PDS5A: variants seen among roughly 807,000 people sequenced by gnomAD.
PDS5A encodes sister chromatid cohesion protein PDS5 homolog A.
A neutral mutation model predicts 167.1 loss-of-function variants in PDS5A; 42 were observed. The ratio of observed to expected loss-of-function variants is 0.25; its 90% CI spans 0.20 to 0.33. The LOEUF is 0.33. Among genes scored for constraint, PDS5A ranks in the 10% least tolerant of loss-of-function variants. PDS5A has a pLI of 1.00. For missense variants in PDS5A, 1,033 were observed against 1,605.9 expected (o/e 0.64, Z 6.10); for synonymous variants, 553 against 554.6 (o/e 1.00, Z 0.04).
At chr4:39,930,246 A>AAAATTTT in intron 2 of PDS5A, among the ~76,000 whole-genome samples, 3 of 93,080 alleles carry the variant, frequency 3.2e-5, no homozygotes, top group Non-Finnish European at 4.5e-5. Flanking sequence ...AAAAAAAAAA[A>AAAATTTT]GTTTTTTTGT....
chr4:39,870,315 A>T (rs1333229161), intron 21 of PDS5A, among the ~76,000 whole-genome samples: 1 of 152,204 alleles, frequency 6.6e-6, no homozygotes, highest in Non-Finnish European at 1.5e-5. Context: ...TAGCTGACAA[A>T]GGTTTAATAT....
chr4:39,839,790 A>G (rs1254104289), intron 31 of PDS5A, among the ~76,000 whole-genome samples: 1 of 151,224 alleles, frequency 6.6e-6, no homozygotes, highest in Non-Finnish European at 1.5e-5. Context: ...AATATCTTCA[A>G]GCCATTCTTA....
intron 2 of PDS5A, among the ~76,000 whole-genome samples, chr4:39,972,162 G>A (rs904685904): frequency 6.6e-6 from 1 of 152,064 alleles, no homozygotes; most frequent in Admixed American, 6.6e-5. Flanking sequence ...TCTGATAATC[G>A]ATTTTCAAAC....
At chr4:39,971,445 C>A (rs982947063) in intron 2 of PDS5A, among the ~76,000 whole-genome samples, 3 of 151,520 alleles carry the variant, frequency 2.0e-5, no homozygotes, top group Non-Finnish European at 4.4e-5. Context: ...CGTGAGCCAC[C>A]GCACCGGGCC....
chr4:39,900,645 T>A (rs959610454), intron 13 of PDS5A, 138 bp from the exon 14 acceptor site: 1 of 613,302 alleles, frequency 1.6e-6, no homozygotes, highest in Non-Finnish European at 2.9e-6. Context: ...GGGAAATATA[T>A]TTATTAGGAT....
intron 2 of PDS5A, among the ~76,000 whole-genome samples, chr4:39,955,458 C>G (rs1389704989): frequency 2.0e-5 from 3 of 151,782 alleles, no homozygotes; most frequent in African/African-American, 7.2e-5. Flanking sequence ...AAAAAATTAC[C>G]CAGGTGTCGT....
At chr4:39,946,310 A>C (rs1005412411) in intron 2 of PDS5A, among the ~76,000 whole-genome samples, 3 of 151,994 alleles carry the variant, frequency 2.0e-5, no homozygotes, top group Admixed American at 1.3e-4. Flanking sequence ...TTATGGCAGG[A>C]GCAGTGAGAG....
intron 2 of PDS5A, among the ~76,000 whole-genome samples, chr4:39,968,582 G>A (rs1578848616): frequency 1.3e-5 from 2 of 151,408 alleles, no homozygotes; most frequent in East Asian, 1.9e-4. Context: ...ACAGGCATGC[G>A]CCACCACACC....
chr4:39,924,708 T>G (rs1031351503), intron 5 of PDS5A, among the ~76,000 whole-genome samples: 2 of 152,272 alleles, frequency 1.3e-5, no homozygotes, highest in Non-Finnish European at 2.9e-5. Context: ...GAATTTCACT[T>G]GTTTTTACTT....
rs138002022 is a variant in PDS5A at position 39,868,946 on chromosome 4, T to C, written c.2505+448A>G. ...CCTATCTTTGCCAAGTTAATATTCA[T>C]ATGCTTGTAGATAGTGGTGATGAGG... On this transcript the variant is annotated intron_variant, in intron 22 of 32. Coordinates refer to ENST00000303538, the MANE Select transcript of PDS5A (RefSeq NM_001100399.2). Among the ~76,000 whole-genome samples, 679 of 152,292 alleles carry C rather than the reference T, an allele frequency of 4.5e-3. 6 individuals carry two copies. The highest frequency in any genetic ancestry group is 0.016 in the African/African-American group (658 of 41,560).
intron 2 of PDS5A, among the ~76,000 whole-genome samples, chr4:39,964,440 A>G (rs940725654): frequency 6.6e-6 from 1 of 152,232 alleles, no homozygotes; most frequent in African/African-American, 2.4e-5. Context: ...TCAGAGGCTT[A>G]TGCCTATAAT....
chr4:39,928,702 G>C (rs1479975942), intron 2 of PDS5A, among the ~76,000 whole-genome samples: 1 of 151,930 alleles, frequency 6.6e-6, no homozygotes. Context: ...GCATGTGTCT[G>C]TAGTCCCAGC....
intron 9 of PDS5A, 59 bp downstream of exon 9, chr4:39,913,552 G>C (rs1357996955): frequency 1.1e-6 from 1 of 874,598 alleles, no homozygotes; most frequent in Non-Finnish European, 2.0e-6. Flanking sequence ...TAATCAAGTG[G>C]ACTGCACCCT....
chr4:39,962,064 T>G (rs866569074), intron 2 of PDS5A, among the ~76,000 whole-genome samples: 5 of 75,922 alleles, frequency 6.6e-5, no homozygotes, highest in East Asian at 6.9e-4. Flanking sequence ...TGAGTTTTTG[T>G]TTTTTTTTTT....
chr4:39,930,602 A>G (rs1022219589), intron 2 of PDS5A, among the ~76,000 whole-genome samples: 10 of 152,060 alleles, frequency 6.6e-5, no homozygotes, highest in Non-Finnish European at 1.3e-4. Context: ...CATTATTTCT[A>G]TTTCTTTGTA....
intron 2 of PDS5A, among the ~76,000 whole-genome samples, chr4:39,952,313 A>C (rs1243644259): frequency 6.6e-6 from 1 of 152,228 alleles, no homozygotes; most frequent in Non-Finnish European, 1.5e-5. Flanking sequence ...TATGGGCCAC[A>C]GAGTGAGACT....
intron 2 of PDS5A, among the ~76,000 whole-genome samples, chr4:39,967,170 T>A (rs1014457910): frequency 1.3e-5 from 2 of 151,548 alleles, no homozygotes; most frequent in African/African-American, 4.9e-5. Context: ...CTAGGTGTGG[T>A]GGCACGCACC....
intron 22 of PDS5A, among the ~76,000 whole-genome samples, chr4:39,867,774 A>ACCCCCCC (rs1553892710): frequency 9.2e-6 from 1 of 108,596 alleles, no homozygotes; most frequent in East Asian, 2.4e-4. Context: ...ACACACACAC[A>ACCCCCCC]CCCCACAACT....
At chr4:39,902,742 G>T (rs1722988230) in intron 12 of PDS5A, among the ~76,000 whole-genome samples, 1 of 152,032 alleles carries the variant, frequency 6.6e-6, no homozygotes, top group East Asian at 1.9e-4. Flanking sequence ...AGGCTGATCT[G>T]GAACTCCTGA....
Sources: allele counts gnomAD v4.1 joint callset (sites outside exome capture counted in the v4.1 genomes callset), GRCh38; gene constraint gnomAD v4.1.1; transcripts MANE v1.5; gene names NCBI Gene and HGNC (gene_info 2026-07-23, HGNC 2026-07-21).